Variants in ATF7IP2 observed in about 807,000 individuals in gnomAD.
ATF7IP2 encodes the protein activating transcription factor 7-interacting protein 2.
Under a neutral mutation model 64.2 loss-of-function variants are expected in ATF7IP2, and 42 were observed. That is an observed-to-expected ratio of 0.65 (90% CI 0.51 to 0.85). The LOEUF (loss-of-function observed/expected upper bound fraction) is 0.85, where lower values mean the gene tolerates loss of function less well. ATF7IP2 is among the 40% of genes least tolerant of loss of function. The probability of loss-of-function intolerance (pLI) is 0.00; values close to 1 mark genes in which losing one functional copy is unlikely to be tolerated. For synonymous variants in ATF7IP2, 308 were observed against 272.8 expected (o/e 1.13, Z -1.27); for missense variants, 933 against 784.2 (o/e 1.19, Z -2.27).
At chr16:10,421,788 C>T (rs564129557) in intron 3 of ATF7IP2, among the ~76,000 whole-genome samples, 4 of 152,340 alleles carry the variant, frequency 2.6e-5, no homozygotes, top group Admixed American at 1.3e-4. Flanking sequence ...GCCCTACATA[C>T]GTCTGGCAAA....
chr16:10,472,197 GA>G lies in ATF7IP2; in HGVS notation c.1426+15del, dbSNP rs2049827011. ...CAAATCCAACAGGTATCTTATAGCT[GA>G]TTAGAATATGATCTATCAAGTTAGA... is the stretch of plus-strand genomic sequence containing the variant. On this transcript the variant is annotated intron_variant, in intron 10 of 13. Coordinates refer to ENST00000562102, the MANE Select transcript of ATF7IP2 (RefSeq NM_001393719.1). 3 of 1,425,088 alleles carry G rather than the reference GA, an allele frequency of 2.1e-6. No homozygotes were observed. The East Asian group carries it at 7.1e-5, about 34-fold the overall frequency. 88.3% of individuals were successfully genotyped at this position (1,425,088 alleles called of 1,614,324 possible). A position where few individuals can be genotyped will look rare whatever the true frequency, so the allele number is the denominator to read the frequency against.
chr16:10,454,281 G>T (rs1381563470), intron 8 of ATF7IP2: 1 of 150,344 alleles, frequency 6.7e-6, no homozygotes, highest in Non-Finnish European at 1.5e-5. Context: ...ATGGTGACAG[G>T]TGCCTGTAAT....
At chr16:10,440,791 A>T (rs2048590506) in intron 8 of ATF7IP2, among the ~76,000 whole-genome samples, 1 of 152,178 alleles carries the variant, frequency 6.6e-6, no homozygotes, top group Admixed American at 6.5e-5. Context: ...GGGGTACATG[A>T]GCAAAATGTG....
chr16:10,392,215 A>G (rs62025932), intron 1 of ATF7IP2, among the ~76,000 whole-genome samples: 13,624 of 151,566 alleles, frequency 0.09, 678 homozygotes, highest in African/African-American at 0.12. Context: ...TAATTTTTGT[A>G]CTTAGTAGAA....
Position 10,431,023 on chromosome 16 carries a change from A to G in ATF7IP2, c.403A>G (p.Lys135Glu). Reference protein sequence around the residue: ...SPSRVFTEEAKDSLNTSENDS... With the variant: ...SPSRVFTEEAEDSLNTSENDS... ...CAGCAGAGTCTTCACAGAAGAGGCA[A>G]AAGATTCACTGAACACTTCTGAAAA... is the stretch of plus-strand genomic sequence containing the variant. The change falls in exon 5 of 14, where the codon AAA (lysine) becomes GAA (glutamate). Residue 135 changes from lysine (K) to glutamate (E), a missense_variant. Lys to Glu is a moderately conservative substitution (Grantham distance 56, BLOSUM62 1). Coordinates refer to ENST00000562102, the MANE Select transcript of ATF7IP2 (RefSeq NM_001393719.1). The G allele has an allele frequency of 1.2e-6, 2 of 1,614,212 alleles. No homozygotes were observed. The highest frequency in any genetic ancestry group is 1.7e-6 in the Non-Finnish European group (2 of 1,180,036).
At chr16:10,388,374 G>A (rs1827141765) in intron 1 of ATF7IP2, among the ~76,000 whole-genome samples, 1 of 152,168 alleles carries the variant, frequency 6.6e-6, no homozygotes, top group Admixed American at 6.5e-5. Context: ...TTCTGATTAA[G>A]CCATGAAATG....
At chr16:10,387,642 T>C (rs1254528327) in intron 1 of ATF7IP2, 1 of 152,234 alleles carries the variant, frequency 6.6e-6, no homozygotes, top group East Asian at 1.9e-4. Flanking sequence ...GCATATATCA[T>C]AGCTCTCTTA....
At chr16:10,395,506 C>T (rs34883567) in intron 1 of ATF7IP2, among the ~76,000 whole-genome samples, 24 of 151,594 alleles carry the variant, frequency 1.6e-4, no homozygotes, top group African/African-American at 4.6e-4. Context: ...AACTGCAGAA[C>T]GATGTTTTTT....
At chr16:10,407,434 C>T (rs1322332918) in intron 1 of ATF7IP2, among the ~76,000 whole-genome samples, 1 of 152,098 alleles carries the variant, frequency 6.6e-6, no homozygotes, top group Non-Finnish European at 1.5e-5. Context: ...AGGAAGAAGT[C>T]AAATTGTCCT....
intron 1 of ATF7IP2, among the ~76,000 whole-genome samples, chr16:10,403,069 T>G (rs553717303): frequency 6.8e-4 from 103 of 152,346 alleles, no homozygotes; most frequent in Admixed American, 2.0e-3. Flanking sequence ...TTTTTCTGTT[T>G]CCATCTGTCT....
In ATF7IP2 at chr16:10,481,833, T is replaced by C. The variant is rs1305368042; in HGVS notation, c.1636-3T>C. 5.4e-5 allele frequency: 84 copies of C among 1,562,034 alleles called. No homozygotes were observed. The highest frequency in any genetic ancestry group is 6.9e-5 in the Non-Finnish European group (80 of 1,160,408). ...CTATATTTTCTTACAATTGTGTTTTTAGGTTCCTGAGTCCTTTGAGCACCT... is the reference window on the plus strand; with the variant it reads ...CTATATTTTCTTACAATTGTGTTTTCAGGTTCCTGAGTCCTTTGAGCACCT... On this transcript the variant is annotated splice_region_variant and splice_polypyrimidine_tract_variant and intron_variant, in intron 13 of 13. Transcript: ENST00000562102.
intron 1 of ATF7IP2, chr16:10,387,204 T>G (rs2047219681): frequency 6.6e-6 from 1 of 152,218 alleles, no homozygotes; most frequent in Non-Finnish European, 1.5e-5. Context: ...AAGATAAAGA[T>G]AAGTTATATC....
rs367708962 is a variant in ATF7IP2 at position 10,472,154 on chromosome 16, T to C, written c.1397T>C (p.Leu466Ser). Residue 466 changes from leucine (L) to serine (S), a missense_variant, in exon 10 of 14, where the codon TTG becomes TCG. Leu to Ser is a moderately radical substitution (Grantham distance 145). Transcript: ENST00000562102. ...VMLISVESPN[L>S]TTPITSNPTD... is the part of the protein sequence containing the mutation. Reference sequence around the variant, plus strand: ...TTGATTTCTGTGGAAAGTCCTAATTTGACAACTCCAATTACATCAAATCCA... The same window carrying C: ...TTGATTTCTGTGGAAAGTCCTAATTCGACAACTCCAATTACATCAAATCCA... 2 of 1,574,086 alleles carry C rather than the reference T, an allele frequency of 1.3e-6. No homozygotes were observed. The highest frequency in any genetic ancestry group is 2.7e-5 in the African/African-American group (2 of 73,968).
At chr16:10,391,773 T>A (rs912302135) in intron 1 of ATF7IP2, among the ~76,000 whole-genome samples, 23 of 152,030 alleles carry the variant, frequency 1.5e-4, no homozygotes, top group African/African-American at 5.5e-4. Context: ...GGTGCACGCC[T>A]GTAGTCCCAG....
At chr16:10,463,596 T>C (rs758272216) in intron 9 of ATF7IP2, among the ~76,000 whole-genome samples, 1 of 152,286 alleles carries the variant, frequency 6.6e-6, no homozygotes, top group Middle Eastern at 3.4e-3. Context: ...CCCCCAGCCC[T>C]GGTCAGACCT....
intron 8 of ATF7IP2, chr16:10,447,140 G>C (rs76157303): frequency 6.6e-6 from 1 of 152,260 alleles, no homozygotes; most frequent in East Asian, 1.9e-4. Flanking sequence ...CAGCAGTAGT[G>C]CTTGTTACCA....
At chr16:10,410,446 A>G (rs952288592) in intron 1 of ATF7IP2, among the ~76,000 whole-genome samples, 2 of 152,086 alleles carry the variant, frequency 1.3e-5, no homozygotes, top group Non-Finnish European at 1.5e-5. Flanking sequence ...CTGCTGGTGT[A>G]TAGGAGAGCT....
intron 8 of ATF7IP2, among the ~76,000 whole-genome samples, chr16:10,453,635 G>A (rs1232033105): frequency 2.6e-5 from 4 of 152,006 alleles, no homozygotes; most frequent in South Asian, 2.1e-4. Flanking sequence ...TTATTTTTTT[G>A]AGATGGAGTT....
At chr16:10,457,707 G>A (rs569606971) in intron 9 of ATF7IP2, 178 bp downstream of exon 9, 2 of 456,430 alleles carry the variant, frequency 4.4e-6, no homozygotes, top group Admixed American at 4.6e-5. Flanking sequence ...TTGGTTTTTG[G>A]GTTTTCTGGT....
Sources: allele counts gnomAD v4.1 joint callset (sites outside exome capture counted in the v4.1 genomes callset), GRCh38; gene constraint gnomAD v4.1.1; transcripts MANE v1.5; gene names NCBI Gene and HGNC (gene_info 2026-07-23, HGNC 2026-07-21).